Variants in ARHGEF11 observed in about 807,000 individuals in gnomAD.
ARHGEF11 encodes Rho guanine exchange factor (GEF) 11.
ARHGEF11 carries 55 observed loss-of-function variants against 193.7 expected under a neutral mutation model. That is an observed-to-expected ratio of 0.28 (90% confidence interval 0.23 to 0.36). The LOEUF (loss-of-function observed/expected upper bound fraction) is 0.36. ARHGEF11 is among the 10% of genes least tolerant of loss of function. The pLI is 1.00. For synonymous variants in ARHGEF11, 693 were observed against 768.0 expected, an observed-to-expected ratio of 0.90 and a Z score of 1.62; for missense variants, 1,723 against 2,005.6, an observed-to-expected ratio of 0.86 and a Z score of 2.69.
In ARHGEF11 at chr1:156,961,708, T is replaced by G. The variant is rs369602809; in HGVS notation, c.1208A>C (p.Asp403Ala). Reference protein sequence around the residue: ...SPKDSRSLGKDIWNIFLEKNA... With the variant: ...SPKDSRSLGKAIWNIFLEKNA... The stretch of plus-strand genomic sequence containing the variant: ...TTTCTCCAGGAAAATATTCCAGATG[T>G]CTTTCCCCAAGCTTCGGGAATCCTT... The change falls in exon 14 of 41, where the codon GAC becomes GCC. Residue 403 changes from aspartate to alanine, a missense_variant. By Grantham distance (126) the Asp-to-Ala change is moderately radical. Around this residue, in one of 5 missense-constraint regions of ARHGEF11, gnomAD observed 646 missense variants for 710.7 expected, o/e 0.91. Transcript: ENST00000368194. The G allele has an allele frequency of 2.2e-5, 35 of 1,614,060 alleles. No individual in the cohort carries two copies. The highest frequency in any genetic ancestry group is 2.9e-5 in the Non-Finnish European group (34 of 1,180,032).
rs1403384413 is a variant in ARHGEF11 at position 156,947,107 on chromosome 1, T to C, written c.2489-92A>G. On this transcript the variant is annotated intron_variant, in intron 26 of 40. Coordinates refer to ENST00000368194, the MANE Select transcript of ARHGEF11 (RefSeq NM_198236.3). Reference sequence around the variant, plus strand: ...GAGAGAAGTGAATCTCTGACAGCAGTGCCATGGGAAGGGTCTGGAAACCAT... The same window carrying C: ...GAGAGAAGTGAATCTCTGACAGCAGCGCCATGGGAAGGGTCTGGAAACCAT... 5 of 1,536,394 alleles carry C rather than the reference T, an allele frequency of 3.3e-6. No homozygotes were observed. The South Asian group carries it at 4.5e-5, about 14-fold the overall frequency.
rs906384335 is a variant in ARHGEF11, at chr1:156,970,050, C to T, written c.703-7G>A. On this transcript the variant is annotated splice_region_variant and splice_polypyrimidine_tract_variant and intron_variant, in intron 8 of 40. Transcript: ENST00000368194. ...CATATAGTGGAAGTATGTCCTGAAA[C>T]AGAAAGGCCCACAGGGTGGGCAAAT... 1 of 1,613,738 alleles carries T rather than the reference C, an allele frequency of 6.2e-7. No individual in the cohort carries two copies. Among genetic ancestry groups the T allele is most frequent in the Non-Finnish European group, 8.5e-7 (1 of 1,179,812 alleles).
intron 7 of ARHGEF11, 100 bp downstream of exon 7, chr1:156,976,883 G>T: frequency 2.8e-6 from 3 of 1,064,824 alleles, no homozygotes; most frequent in East Asian, 2.4e-5. Context: ...ACTGTGATAG[G>T]ATATTGCCTG....
At chr1:156,942,852 G>A (rs1657323663) in intron 32 of ARHGEF11, 72 bp from the exon 33 acceptor site, 2 of 1,251,820 alleles carry the variant, frequency 1.6e-6, no homozygotes, top group Non-Finnish European at 2.3e-6. Flanking sequence ...GGGCCAGGGT[G>A]ACAGAGTGGG....
Position 157,044,820 on chromosome 1 carries a change from A to G in ARHGEF11, c.-490T>C, listed in dbSNP as rs1673164495. ...GGGGGAAAGTAATTTTCTAGTCTCC[A>G]ATGCTTAATATGACAACAGCAAATA... On this transcript the variant is annotated 5_prime_UTR_variant, in exon 1 of 41. Transcript: ENST00000368194. 1 of 303,704 alleles carries G rather than the reference A, an allele frequency of 3.3e-6. No individual in the cohort carries two copies. The highest frequency in any genetic ancestry group is 5.9e-6 in the Non-Finnish European group (1 of 168,074). The allele number at this position is 303,704 out of a possible 1,614,324, so 18.8% of individuals were successfully genotyped here.
At chr1:157,038,540 G>A (rs1281105024) in intron 1 of ARHGEF11, among the ~76,000 whole-genome samples, 1 of 152,154 alleles carries the variant, frequency 6.6e-6, no homozygotes, top group East Asian at 1.9e-4. Context: ...TGAACTAATG[G>A]AACCATCCTC....
In ARHGEF11 at chr1:156,970,783, C is replaced by T. The variant is rs190042509; in HGVS notation, c.703-740G>A. Reference sequence around the variant, plus strand: ...TTTAACTCTGACAACACTGTGATCTCCATTTTATAAATGAGGAAGTTAAGG... The same window carrying T: ...TTTAACTCTGACAACACTGTGATCTTCATTTTATAAATGAGGAAGTTAAGG... On this transcript the variant is annotated intron_variant, in intron 8 of 40. Coordinates refer to ENST00000368194, the MANE Select transcript of ARHGEF11 (RefSeq NM_198236.3). Among the ~76,000 whole-genome samples the T allele has an allele frequency of 2.0e-4, 31 of 152,290 alleles. No individual in the cohort carries two copies. In the East Asian group the frequency reaches 5.8e-3, roughly 28 times the overall value.
At chr1:157,018,466 A>AC (rs1468043666) in intron 1 of ARHGEF11, among the ~76,000 whole-genome samples, 3 of 152,006 alleles carry the variant, frequency 2.0e-5, no homozygotes, top group African/African-American at 7.3e-5. Flanking sequence ...ACATGGTGAA[A>AC]CCCCGTCTCT....
chr1:156,971,880 G>C, intron 7 of ARHGEF11, 64 bp from the exon 8 acceptor site: 1 of 1,544,466 alleles, frequency 6.5e-7, no homozygotes, highest in Non-Finnish European at 8.8e-7. Flanking sequence ...ATAGAGAATG[G>C]ATGACTCACC....
Position 156,939,635 on chromosome 1 carries a change from T to C in ARHGEF11, c.4009A>G (p.Ile1337Val), listed in dbSNP as rs755203907. Residue 1337 changes from isoleucine to valine, a missense_variant, in exon 37 of 41, where the codon ATA becomes GTA. Ile to Val is a conservative substitution (Grantham distance 29). Around this residue, in one of 5 missense-constraint regions of ARHGEF11, gnomAD observed 360 missense variants for 344.4 expected, o/e 1.05. Coordinates refer to ENST00000368194, the MANE Select transcript of ARHGEF11 (RefSeq NM_198236.3). The part of the protein sequence containing the change: ...HLPPRTRNSG[I>V]WESPELDRNL... ...CTGTCCAGTTCTGGAGACTCCCATATCCCAGAATTTCTGGTCCTTGGGGGT... is the reference window on the plus strand; with the variant it reads ...CTGTCCAGTTCTGGAGACTCCCATACCCCAGAATTTCTGGTCCTTGGGGGT... The C allele has an allele frequency of 1.2e-6, 2 of 1,613,830 alleles. No individual in the cohort carries two copies. The highest frequency in any genetic ancestry group is 1.7e-5 in the Admixed American group (1 of 60,024).
intron 1 of ARHGEF11, among the ~76,000 whole-genome samples, chr1:156,995,594 T>C (rs1005583458): frequency 2.2e-4 from 33 of 151,614 alleles, no homozygotes; most frequent in African/African-American, 7.5e-4. Context: ...CTCACTCTGT[T>C]GCCCAGGCTG....
chr1:156,936,793 G>C, intron 40 of ARHGEF11, 23 bp downstream of exon 40: 1 of 1,605,258 alleles, frequency 6.2e-7, no homozygotes, highest in Non-Finnish European at 8.5e-7. Flanking sequence ...GGTAGGAACC[G>C]AGAGGGACCT....
intron 33 of ARHGEF11, among the ~76,000 whole-genome samples, 167 bp downstream of exon 33, chr1:156,942,523 C>A (rs1056363445): frequency 3.9e-5 from 6 of 152,224 alleles, no homozygotes; most frequent in East Asian, 1.9e-4. Flanking sequence ...GGGGTGATGA[C>A]CCCTCCCAGC....
chr1:157,011,415 G>A (rs1002997060), intron 1 of ARHGEF11, among the ~76,000 whole-genome samples: 5 of 152,124 alleles, frequency 3.3e-5, no homozygotes, highest in Admixed American at 6.5e-5. Context: ...TTGTGACCTT[G>A]AGTTAGGCAG....
intron 22 of ARHGEF11, chr1:156,949,143 T>C: frequency 1.4e-5 from 14 of 983,330 alleles, no homozygotes; most frequent in Non-Finnish European, 1.7e-5. Flanking sequence ...AAGATTCCAT[T>C]TCCTCTCAAG....
chr1:156,970,542 G>C lies in ARHGEF11; in HGVS notation c.703-499C>G, dbSNP rs186849921. Among the ~76,000 whole-genome samples the C allele has an allele frequency of 2.0e-5, 3 of 152,278 alleles. No homozygotes were observed. In the East Asian group the frequency reaches 5.8e-4, roughly 29 times the overall value. ...CACATTTAATCTTTCAATGGCTCTGGCTTAGGCATGTTACTCTCATGTTAT... is the reference window on the plus strand; with the variant it reads ...CACATTTAATCTTTCAATGGCTCTGCCTTAGGCATGTTACTCTCATGTTAT... On this transcript the variant is annotated intron_variant, in intron 8 of 40. Coordinates refer to ENST00000368194, the MANE Select transcript of ARHGEF11 (RefSeq NM_198236.3).
intron 1 of ARHGEF11, among the ~76,000 whole-genome samples, chr1:157,028,738 G>C (rs971319014): frequency 4.7e-5 from 7 of 148,240 alleles, no homozygotes; most frequent in Non-Finnish European, 8.8e-5. Flanking sequence ...TTTCTCCAAA[G>C]AAAATATGCA....
Position 156,943,301 on chromosome 1 carries a change from T to G in ARHGEF11, c.3236-521A>C, listed in dbSNP as rs545596485. On this transcript the variant is annotated intron_variant, in intron 32 of 40. Transcript: ENST00000368194. ...GTCTTGAACTCCTGACCTCAAGTGA[T>G]CTGAGTGCCTCGGCCTCCCAAAGGG... Among the ~76,000 whole-genome samples, 8 of 152,338 alleles carry G rather than the reference T, an allele frequency of 5.3e-5. No individual in the cohort carries two copies. The South Asian group carries it at 1.7e-3, about 32-fold the overall frequency.
intron 1 of ARHGEF11, among the ~76,000 whole-genome samples, chr1:157,024,525 G>C (rs1670413274): frequency 6.6e-6 from 1 of 152,202 alleles, no homozygotes; most frequent in South Asian, 2.1e-4. Flanking sequence ...GGATTGTGAA[G>C]TCATGAAGGT....
Sources: allele counts gnomAD v4.1 joint callset (sites outside exome capture counted in the v4.1 genomes callset), GRCh38; gene constraint gnomAD v4.1.1; regional missense constraint gnomAD v4.1.1; transcripts MANE v1.5; gene names NCBI Gene and HGNC (gene_info 2026-07-23, HGNC 2026-07-21).